The following CCDC141 variants were observed in gnomAD, a reference collection of about 807,000 sequenced individuals.
CCDC141 encodes the protein coiled-coil domain containing 141.
CCDC141 carries 168 observed loss-of-function variants against 181.0 expected under a neutral mutation model. The observed-to-expected ratio is 0.93, with a 90% CI of 0.82 to 1.05. The LOEUF (loss-of-function observed/expected upper bound fraction) is 1.05, where lower values mean the gene tolerates loss of function less well. Among genes scored for constraint, CCDC141 ranks in the 50% least tolerant of loss-of-function variants. The pLI is 0.00. For missense variants in CCDC141, 1,902 were observed against 1,788.5 expected (o/e 1.06, Z -1.14); for synonymous variants, 666 against 642.3 (o/e 1.04, Z -0.56).
rs1440932766 is a variant in CCDC141 at position 178,872,162 on chromosome 2, A to C, written c.2050T>G (p.Trp684Gly). ...TTAAGTTGCTCTTTGAATGCCGCCCACTGCTGTTTTCCAGGCTTGCTTTCC... is the reference window on the plus strand; with the variant it reads ...TTAAGTTGCTCTTTGAATGCCGCCCCCTGCTGTTTTCCAGGCTTGCTTTCC... Reference protein sequence around the residue: ...ATESKPGKQQWAAFKEQLKKT... With the variant: ...ATESKPGKQQGAAFKEQLKKT... Residue 684 changes from tryptophan to glycine, a missense_variant, in exon 13 of 24, where the codon TGG (tryptophan) becomes GGG (glycine). Transcript: ENST00000443758. 6.2e-7 allele frequency: 1 copy of C among 1,613,766 alleles called. No homozygotes were observed. Among genetic ancestry groups the C allele is most frequent in the Admixed American group, 1.7e-5 (1 of 59,980 alleles).
rs1250867817 is a variant in CCDC141, at chr2:178,833,996, TTA to T, written c.*175_*176del. Reference sequence around the variant, plus strand: ...TAATTTACCAAGCTTCTCAAATATATTAAACGCTCCAGAAAATTTGATTATTT... The same window carrying T: ...TAATTTACCAAGCTTCTCAAATATATAACGCTCCAGAAAATTTGATTATTT... On this transcript the variant is annotated 3_prime_UTR_variant, in exon 24 of 24. Transcript: ENST00000443758. 1 of 640,790 alleles carries T rather than the reference TTA, an allele frequency of 1.6e-6. No homozygotes were observed. Among genetic ancestry groups the T allele is most frequent in the Non-Finnish European group, 2.6e-6 (1 of 381,016 alleles). 39.7% of individuals were successfully genotyped at this position (640,790 alleles called of 1,614,324 possible).
chr2:178,995,186 T>A (rs916493047), intron 2 of CCDC141, among the ~76,000 whole-genome samples: 4 of 152,178 alleles, frequency 2.6e-5, no homozygotes, highest in Non-Finnish European at 5.9e-5. Context: ...GATTAAGACA[T>A]AACTGAGACA....
intron 10 of CCDC141, 22 bp from the exon 11 acceptor site, chr2:178,885,114 G>A (rs981754375): frequency 1.3e-6 from 2 of 1,511,086 alleles, no homozygotes; most frequent in Non-Finnish European, 1.8e-6. Context: ...AAGCACTGGA[G>A]GTCAGAAACT....
At chr2:178,972,067 A>G (rs923572200) in intron 4 of CCDC141, among the ~76,000 whole-genome samples, 5 of 152,008 alleles carry the variant, frequency 3.3e-5, no homozygotes, top group Non-Finnish European at 5.9e-5. Flanking sequence ...AGAACTTAAA[A>G]TATATAATTT....
intron 2 of CCDC141, among the ~76,000 whole-genome samples, chr2:179,034,360 G>GAGGAATGA (rs1559062462): frequency 6.6e-6 from 1 of 152,000 alleles, no homozygotes; most frequent in East Asian, 1.9e-4. Flanking sequence ...GTAGAGGGTG[G>GAGGAATGA]GAGGAATGAG....
rs553722656 is a variant in CCDC141 at position 178,842,813 on chromosome 2, G to T, written c.3474+2813C>A. Among the ~76,000 whole-genome samples the T allele has an allele frequency of 2.9e-4, 44 of 152,310 alleles. No individual in the cohort carries two copies. The South Asian group carries it at 8.5e-3, about 29-fold the overall frequency. The stretch of plus-strand genomic sequence containing the variant: ...TTAGCGGGGGCTTTAGACAAAAAGG[G>T]GTAATGTGGTATTTTGGGGCACTTT... On this transcript the variant is annotated intron_variant, in intron 22 of 23. Coordinates refer to ENST00000443758, the MANE Select transcript of CCDC141 (RefSeq NM_173648.4).
intron 2 of CCDC141, among the ~76,000 whole-genome samples, chr2:178,987,413 G>T (rs903880103): frequency 6.6e-6 from 1 of 151,992 alleles, no homozygotes; most frequent in Non-Finnish European, 1.5e-5. Flanking sequence ...CATGTGCAAG[G>T]ACTTCATGTC....
intron 6 of CCDC141, among the ~76,000 whole-genome samples, chr2:178,931,257 A>T (rs1311753575): frequency 6.6e-6 from 1 of 152,228 alleles, no homozygotes; most frequent in Admixed American, 6.5e-5. Flanking sequence ...ATGGAAAAAT[A>T]GCATAGTAAC....
intron 8 of CCDC141, among the ~76,000 whole-genome samples, 187 bp downstream of exon 8, chr2:178,905,142 A>G (rs1304073557): frequency 6.6e-6 from 1 of 152,194 alleles, no homozygotes; most frequent in East Asian, 1.9e-4. Context: ...ATATGGCCTC[A>G]CTTCTGGATG....
intron 2 of CCDC141, among the ~76,000 whole-genome samples, chr2:178,988,347 A>T (rs1428302938): frequency 1.3e-5 from 2 of 148,304 alleles, no homozygotes; most frequent in South Asian, 2.2e-4. Flanking sequence ...GAGGGATAGC[A>T]TTGGGAGATA....
intron 4 of CCDC141, among the ~76,000 whole-genome samples, chr2:178,970,556 C>T (rs1575283495): frequency 6.6e-6 from 1 of 152,088 alleles, no homozygotes; most frequent in African/African-American, 2.4e-5. Flanking sequence ...GTTGGGAAAC[C>T]TACTAGCCAT....
intron 8 of CCDC141, among the ~76,000 whole-genome samples, chr2:178,889,467 T>C (rs7591091): frequency 0.59 from 90,132 of 151,982 alleles, 28,110 homozygotes; most frequent in Middle Eastern, 0.75. Flanking sequence ...CCCTCAGTCA[T>C]TTCCTTCACA....
chr2:178,827,002 A>G (rs533829788), downstream of CCDC141, among the ~76,000 whole-genome samples: 3 of 152,190 alleles, frequency 2.0e-5, no homozygotes, highest in Non-Finnish European at 2.9e-5. Context: ...AATGCTATAC[A>G]TTTTCCTCTA....
chr2:178,914,877 G>T (rs1032715338), intron 7 of CCDC141, among the ~76,000 whole-genome samples: 1 of 152,034 alleles, frequency 6.6e-6, no homozygotes, highest in Non-Finnish European at 1.5e-5. Flanking sequence ...TTGTTAGAGA[G>T]GGGAATGAAT....
chr2:178,823,258 T>C, the CCDC141 span, among the ~76,000 whole-genome samples: 3 of 152,168 alleles, frequency 2.0e-5, no homozygotes, highest in Admixed American at 6.5e-5. Context: ...GCATCCTCTA[T>C]CTGCAAAAGT....
chr2:179,037,105 G>C (rs1455141416), intron 2 of CCDC141, among the ~76,000 whole-genome samples: 1 of 152,160 alleles, frequency 6.6e-6, no homozygotes, highest in Non-Finnish European at 1.5e-5. Context: ...TGCCAAGTGG[G>C]GACATCTGGC....
At chr2:178,964,192 T>C (rs1279281415) in intron 4 of CCDC141, among the ~76,000 whole-genome samples, 1 of 152,196 alleles carries the variant, frequency 6.6e-6, no homozygotes, top group East Asian at 1.9e-4. Flanking sequence ...TCTCCTTTTA[T>C]ATATAGAGGG....
chr2:178,971,426 T>C (rs914076585), intron 4 of CCDC141, among the ~76,000 whole-genome samples: 1 of 152,126 alleles, frequency 6.6e-6, no homozygotes, highest in African/African-American at 2.4e-5. Flanking sequence ...AAACAACAGA[T>C]ACTGGAAAGG....
intron 10 of CCDC141, among the ~76,000 whole-genome samples, chr2:178,886,140 C>T (rs1174149033): frequency 6.6e-6 from 1 of 152,134 alleles, no homozygotes; most frequent in Non-Finnish European, 1.5e-5. Context: ...GAGTCACAGG[C>T]CTCTTCCTGC....
Sources: gnomAD v4.1 joint callset for allele counts (sites outside exome capture counted in the v4.1 genomes callset) on GRCh38, gnomAD v4.1.1 for gene constraint, MANE v1.5 for transcripts, NCBI Gene and HGNC (gene_info 2026-07-23, HGNC 2026-07-21) for gene names.